NCK2: variants seen among roughly 807,000 people sequenced by gnomAD.
NCK2 encodes cytoplasmic protein NCK2.
NCK2 carries 16 observed loss-of-function variants against 33.9 expected under a neutral mutation model. That is an observed-to-expected ratio of 0.47 (90% CI 0.32 to 0.72). The LOEUF (loss-of-function observed/expected upper bound fraction) is 0.72, where lower values mean the gene tolerates loss of function less well. Ranked by LOEUF, NCK2 falls within the 30% of genes least tolerant of loss-of-function variation. The probability of loss-of-function intolerance (pLI) is 0.03; values close to 1 mark genes in which losing one functional copy is unlikely to be tolerated. For synonymous variants in NCK2, 273 were observed against 239.9 expected (o/e 1.14, Z -1.27); for missense variants, 418 against 537.3 (o/e 0.78, Z 2.19).
chr2:105,864,403 A>G (rs937111873), intron 3 of NCK2, among the ~76,000 whole-genome samples: 1 of 152,116 alleles, frequency 6.6e-6, no homozygotes, highest in Admixed American at 6.5e-5. Flanking sequence ...AACACCTCGG[A>G]GAAGTATTAG....
chr2:105,808,876 A>C (rs1279969858), intron 1 of NCK2, among the ~76,000 whole-genome samples: 3 of 152,198 alleles, frequency 2.0e-5, no homozygotes, highest in Non-Finnish European at 2.9e-5. Flanking sequence ...ATAAGCACTG[A>C]AGTGTTTGTG....
intron 2 of NCK2, among the ~76,000 whole-genome samples, chr2:105,835,419 A>ATACG (rs1676388089): frequency 1.3e-5 from 1 of 77,568 alleles, no homozygotes; most frequent in African/African-American, 8.0e-5. Context: ...GTATATATAT[A>ATACG]TATATTTTTT....
chr2:105,780,746 T>TA (rs1031644119), intron 1 of NCK2, among the ~76,000 whole-genome samples: 31 of 152,168 alleles, frequency 2.0e-4, no homozygotes, highest in African/African-American at 7.5e-4. Flanking sequence ...TTAATTTCCT[T>TA]ACGGAAGACA....
intron 2 of NCK2, among the ~76,000 whole-genome samples, chr2:105,829,836 AG>A (rs1676097449): frequency 6.6e-6 from 1 of 152,192 alleles, no homozygotes; most frequent in Admixed American, 6.5e-5. Flanking sequence ...ATCTCCTTGA[AG>A]ATGGAGTGTC....
chr2:105,764,775 A>G (rs956657954), intron 1 of NCK2, among the ~76,000 whole-genome samples: 2 of 152,248 alleles, frequency 1.3e-5, no homozygotes, highest in Non-Finnish European at 1.5e-5. Flanking sequence ...GAAACTTTTC[A>G]TATTTGCAGC....
chr2:105,829,227 A>G (rs912241434), intron 2 of NCK2, among the ~76,000 whole-genome samples: 20 of 151,812 alleles, frequency 1.3e-4, no homozygotes, highest in Non-Finnish European at 2.4e-4. Context: ...CTGTGAACCT[A>G]CCTCCCAACT....
chr2:105,851,201 GT>G (rs1004740656), intron 2 of NCK2, among the ~76,000 whole-genome samples: 1 of 152,080 alleles, frequency 6.6e-6, no homozygotes, highest in African/African-American at 2.4e-5. Flanking sequence ...ACAAAAAACT[GT>G]AGGGGGTGCC....
chr2:105,858,706 T>C (rs1046655951), intron 3 of NCK2, among the ~76,000 whole-genome samples: 1 of 152,238 alleles, frequency 6.6e-6, no homozygotes, highest in Non-Finnish European at 1.5e-5. Flanking sequence ...CCTGAAGTTG[T>C]TAATAAACTT....
intron 1 of NCK2, among the ~76,000 whole-genome samples, chr2:105,788,276 A>G (rs780274232): frequency 2.0e-5 from 3 of 152,194 alleles, no homozygotes; most frequent in East Asian, 1.9e-4. Flanking sequence ...TGAAACTTCT[A>G]CACCCATAAA....
chr2:105,826,721 C>G (rs934584016), intron 2 of NCK2, among the ~76,000 whole-genome samples: 1 of 152,244 alleles, frequency 6.6e-6, no homozygotes, highest in South Asian at 2.1e-4. Flanking sequence ...CAAGTTCTGG[C>G]CAAGTAAGTA....
At chr2:105,849,893 CTT>C (rs1349097974) in intron 2 of NCK2, among the ~76,000 whole-genome samples, 3 of 152,198 alleles carry the variant, frequency 2.0e-5, no homozygotes, top group Non-Finnish European at 4.4e-5. Context: ...TTAAGTCTCT[CTT>C]AATGCTGGCA....
intron 3 of NCK2, among the ~76,000 whole-genome samples, chr2:105,870,378 CCTGTGGCAGT>C (rs1418064868): frequency 6.6e-6 from 1 of 152,228 alleles, no homozygotes; most frequent in African/African-American, 2.4e-5. Context: ...TCCCTGCCAT[CCTGTGGCAGT>C]CCCTTCCTGA....
chr2:105,766,662 T>G (rs535581137), intron 1 of NCK2, among the ~76,000 whole-genome samples: 53 of 152,240 alleles, frequency 3.5e-4, no homozygotes, highest in African/African-American at 1.2e-3. Context: ...TCTGTTGACT[T>G]GTCACCTTTC....
At chr2:105,868,085 C>T (rs1677833240) in intron 3 of NCK2, among the ~76,000 whole-genome samples, 1 of 152,020 alleles carries the variant, frequency 6.6e-6, no homozygotes, top group African/African-American at 2.4e-5. Flanking sequence ...AAGCTGCCTG[C>T]CTGCAAGCAG....
At chr2:105,836,891 T>C (rs3954042) in intron 2 of NCK2, among the ~76,000 whole-genome samples, 139,501 of 152,210 alleles carry the variant, frequency 0.92, 63,977 homozygotes, top group East Asian at 0.98. Flanking sequence ...CCAGCATGAA[T>C]GGTCTTTCTA....
At chr2:105,782,472 A>T (rs1690532606) in intron 1 of NCK2, among the ~76,000 whole-genome samples, 1 of 152,266 alleles carries the variant, frequency 6.6e-6, no homozygotes, top group South Asian at 2.1e-4. Context: ...TTTCTTAAGT[A>T]TTAAAGTTAC....
At chr2:105,773,795 G>A (rs898466816) in intron 1 of NCK2, among the ~76,000 whole-genome samples, 1 of 152,194 alleles carries the variant, frequency 6.6e-6, no homozygotes, top group Non-Finnish European at 1.5e-5. Flanking sequence ...CCCTGAGCTT[G>A]TGTCTGGCAG....
rs147419183 is a variant in NCK2 at position 105,762,855 on chromosome 2, A to G, written c.-201+17717A>G. Reference sequence around the variant, plus strand: ...TCTCAAGTTTGTTTTTAAGTAATATATTAATAACTGTGTTCCACATAGTTG... The same window carrying G: ...TCTCAAGTTTGTTTTTAAGTAATATGTTAATAACTGTGTTCCACATAGTTG... On this transcript the variant is annotated intron_variant, in intron 1 of 4. Coordinates refer to ENST00000233154, the MANE Select transcript of NCK2 (RefSeq NM_003581.5). Among the ~76,000 whole-genome samples the G allele has an allele frequency of 5.5e-4, 84 of 152,360 alleles. 1 individual carries two copies. Among genetic ancestry groups the G allele is most frequent in the Non-Finnish European group, 9.4e-4 (64 of 68,046 alleles).
intron 1 of NCK2, among the ~76,000 whole-genome samples, chr2:105,758,387 T>C (rs1188688909): frequency 6.6e-6 from 1 of 151,592 alleles, no homozygotes; most frequent in African/African-American, 2.4e-5. Flanking sequence ...CTTACTCCAT[T>C]GTAGATGTTT....
Sources: gnomAD v4.1 joint callset for allele counts (sites outside exome capture counted in the v4.1 genomes callset) on GRCh38, gnomAD v4.1.1 for gene constraint, MANE v1.5 for transcripts, NCBI Gene and HGNC (gene_info 2026-07-23, HGNC 2026-07-21) for gene names.